Variants in B4GALNT2 observed in about 807,000 individuals in gnomAD.
B4GALNT2 encodes the protein beta-1,4-N-acetyl-galactosaminyltransferase 2 (SID blood group).
Under a neutral mutation model 51.1 loss-of-function variants are expected in B4GALNT2, and 42 were observed. The observed-to-expected ratio is 0.82, with a 90% CI of 0.64 to 1.06. The LOEUF is 1.06. B4GALNT2 is among the 50% of genes least tolerant of loss of function. B4GALNT2 has a pLI of 0.00. For missense variants in B4GALNT2, 602 were observed against 633.6 expected (o/e 0.95, Z 0.54); for synonymous variants, 253 against 251.7 (o/e 1.01, Z -0.05).
chr17:49,130,370 G>T (rs1420146822), upstream of B4GALNT2, among the ~76,000 whole-genome samples: 1 of 152,260 alleles, frequency 6.6e-6, no homozygotes, highest in Non-Finnish European at 1.5e-5. Flanking sequence ...AGGCCCAGTG[G>T]CTAATGCCTG....
At chr17:49,139,781 G>T (rs1364196097) in intron 1 of B4GALNT2, among the ~76,000 whole-genome samples, 6 of 152,096 alleles carry the variant, frequency 3.9e-5, no homozygotes, top group Admixed American at 3.9e-4. Flanking sequence ...CTCCCAAAGT[G>T]CTCAGATTAT....
chr17:49,164,695 T>C (rs1334187704), intron 8 of B4GALNT2, among the ~76,000 whole-genome samples: 1 of 151,928 alleles, frequency 6.6e-6, no homozygotes, highest in African/African-American at 2.4e-5. Context: ...AGAGGCAGGG[T>C]TCACCGTGTT....
At chr17:49,133,913 AAAACAAAC>A (rs759093006) in intron 1 of B4GALNT2, among the ~76,000 whole-genome samples, 1 of 151,500 alleles carries the variant, frequency 6.6e-6, no homozygotes, top group Non-Finnish European at 1.5e-5. Context: ...CTCTGTCTCA[AAAACAAAC>A]AAACAAACAA....
chr17:49,133,125 G>A, intron 1 of B4GALNT2: 1 of 1,528,376 alleles, frequency 6.5e-7, no homozygotes, highest in Admixed American at 2.5e-5. Flanking sequence ...GAATCGGCTC[G>A]GGAGTGCGGG....
At chr17:49,133,143 G>C in intron 1 of B4GALNT2, 1 of 1,528,378 alleles carries the variant, frequency 6.5e-7, no homozygotes, top group Non-Finnish European at 8.7e-7. Context: ...GGGCTTCGGG[G>C]CTCTCTGCTT....
At chr17:49,152,177 G>A (rs966634516) in intron 3 of B4GALNT2, among the ~76,000 whole-genome samples, 4 of 152,140 alleles carry the variant, frequency 2.6e-5, no homozygotes, top group Non-Finnish European at 5.9e-5. Context: ...AGCGGTTGGA[G>A]ACCAGCCTGG....
chr17:49,160,425 C>T, intron 6 of B4GALNT2, 130 bp from the exon 7 acceptor site: 1 of 859,204 alleles, frequency 1.2e-6, no homozygotes, highest in South Asian at 1.4e-5. Flanking sequence ...CTATGGGGTC[C>T]TTGATCTCAT....
In B4GALNT2 at chr17:49,142,987, G is replaced by A. The variant is rs148668758; in HGVS notation, c.353+815G>A. On this transcript the variant is annotated intron_variant, in intron 3 of 10. Coordinates refer to ENST00000393354, the MANE Select transcript of B4GALNT2 (RefSeq NM_001159387.2). ...AATTTGGCTGGGCGCGGTGGCTCAC[G>A]CCTGTAATCCCAACACTTTGGGAGA... 3.3e-5 allele frequency among the ~76,000 whole-genome samples: 5 copies of A among 152,292 alleles called. No homozygotes were observed. In the East Asian group the frequency reaches 9.6e-4, roughly 29 times the overall value.
rs984845411 is a variant in B4GALNT2 at position 49,160,678 on chromosome 17, C to G, written c.766+37C>G. The stretch of plus-strand genomic sequence containing the variant: ...GTCCTTGGGGCTCCGTGGTGGCAAC[C>G]CTGTGAAGCTATTGGTGAAATTCAG... On this transcript the variant is annotated intron_variant, in intron 7 of 10. Transcript: ENST00000393354. The G allele has an allele frequency of 3.9e-6, 6 of 1,556,374 alleles. No homozygotes were observed. The Admixed American group carries it at 5.0e-5, about 13-fold the overall frequency.
intron 7 of B4GALNT2, among the ~76,000 whole-genome samples, chr17:49,161,790 G>A (rs1430691067): frequency 6.6e-6 from 1 of 151,070 alleles, no homozygotes; most frequent in African/African-American, 2.4e-5. Context: ...CCTGAAGGCG[G>A]AGGTTGCAGT....
Position 49,173,580 on chromosome 17 carries a change from T to G in B4GALNT2, c.*3852T>G, listed in dbSNP as rs975984246. On this transcript the variant is annotated 3_prime_UTR_variant, in exon 11 of 11. Coordinates refer to ENST00000393354, the MANE Select transcript of B4GALNT2 (RefSeq NM_001159387.2). ...TACCCACAAAGTCAGCTAAATGGGT[T>G]TGCCAGGTAAGACTATTTATAAAAG... is the stretch of plus-strand genomic sequence containing the variant. 8 of 152,222 alleles carry G rather than the reference T, an allele frequency of 5.3e-5. No homozygotes were observed. Among genetic ancestry groups the G allele is most frequent in the African/African-American group, 1.9e-4 (8 of 41,462 alleles). The allele number at this position is 152,222 out of a possible 1,614,324, so 9.4% of individuals were successfully genotyped here. A position where few individuals can be genotyped will look rare whatever the true frequency, so the allele number is the denominator to read the frequency against.
the B4GALNT2 span, among the ~76,000 whole-genome samples, chr17:49,126,496 T>TAAAAAAAAA: frequency 1.7e-5 from 2 of 118,740 alleles, no homozygotes; most frequent in African/African-American, 3.2e-5. Context: ...GAATGATCAA[T>TAAAAAAAAA]AAAAAAAAAA....
At chr17:49,150,875 A>C (rs8066474) in intron 3 of B4GALNT2, among the ~76,000 whole-genome samples, 46,472 of 147,362 alleles carry the variant, frequency 0.32, 7,829 homozygotes, top group East Asian at 0.45. Flanking sequence ...TGTCCTGTGA[A>C]CCTGCCAAAT....
chr17:49,169,844 A>C lies in B4GALNT2; in HGVS notation c.*116A>C, dbSNP rs2042946196. The C allele has an allele frequency of 9.6e-7, 1 of 1,045,182 alleles. No individual in the cohort carries two copies. The allele number at this position is 1,045,182 out of a possible 1,614,324, so 64.7% of individuals were successfully genotyped here. On this transcript the variant is annotated 3_prime_UTR_variant, in exon 11 of 11. Coordinates refer to ENST00000393354, the MANE Select transcript of B4GALNT2 (RefSeq NM_001159387.2). ...GTACCAAACCAGCTGGTGGGTAGGGAAAAGGGAAATGGCTCAGTTACTGGA... is the reference window on the plus strand; with the variant it reads ...GTACCAAACCAGCTGGTGGGTAGGGCAAAGGGAAATGGCTCAGTTACTGGA...
At chr17:49,157,366 C>A (rs2042820759) in intron 5 of B4GALNT2, among the ~76,000 whole-genome samples, 1 of 108,376 alleles carries the variant, frequency 9.2e-6, no homozygotes, top group Non-Finnish European at 1.9e-5. Flanking sequence ...TGTCACCTAG[C>A]CTGGAGTGCA....
chr17:49,120,418 C>T, the B4GALNT2 span, among the ~76,000 whole-genome samples: 2 of 151,604 alleles, frequency 1.3e-5, no homozygotes, highest in East Asian at 1.9e-4. Flanking sequence ...TAACCAGAGG[C>T]GGAAGGGTAA....
upstream of B4GALNT2, among the ~76,000 whole-genome samples, chr17:49,131,991 A>T (rs754873457): frequency 4.6e-5 from 7 of 151,908 alleles, no homozygotes; most frequent in African/African-American, 1.5e-4. Context: ...ATTATTTTTT[A>T]ATTAGCCAGG....
At chr17:49,151,519 A>G (rs903981749) in intron 3 of B4GALNT2, among the ~76,000 whole-genome samples, 1 of 152,074 alleles carries the variant, frequency 6.6e-6, no homozygotes, top group Non-Finnish European at 1.5e-5. Context: ...AGGCCAAGGC[A>G]TGCGGATCAT....
chr17:49,166,288 A>G (rs1002147440), intron 9 of B4GALNT2, 34 bp downstream of exon 9: 2 of 1,399,254 alleles, frequency 1.4e-6, no homozygotes, highest in Non-Finnish European at 1.9e-6. Context: ...CCCAGCCACA[A>G]TCTGTAGAGA....
Sources: gnomAD v4.1 joint callset for allele counts (sites outside exome capture counted in the v4.1 genomes callset) on GRCh38, gnomAD v4.1.1 for gene constraint, MANE v1.5 for transcripts, NCBI Gene and HGNC (gene_info 2026-07-23, HGNC 2026-07-21) for gene names.